Variants in ERAP1 observed in about 807,000 individuals in gnomAD.
ERAP1 encodes the protein endoplasmic reticulum aminopeptidase 1, also known as adipocyte-derived leucine aminopeptidase.
In ERAP1, 86 loss-of-function variants were observed where a neutral mutation model predicts 103.7. The ratio of observed to expected loss-of-function variants is 0.83; its 90% CI spans 0.70 to 0.99. ERAP1 has a LOEUF of 0.99. Ranked by LOEUF, ERAP1 falls within the 50% of genes least tolerant of loss-of-function variation. The pLI, the probability that ERAP1 is intolerant of heterozygous loss-of-function variation, is 0.00. For synonymous variants in ERAP1, 398 were observed against 402.4 expected, an observed-to-expected ratio of 0.99 and a Z score of 0.13; for missense variants, 1,009 against 1,128.4, an observed-to-expected ratio of 0.89 and a Z score of 1.52.
At chr5:96,916,468 T>C in the ERAP1 span, among the ~76,000 whole-genome samples, 1 of 138,602 alleles carries the variant, frequency 7.2e-6, no homozygotes, top group Admixed American at 7.1e-5. Flanking sequence ...TTTTTTTTTT[T>C]TTTTTTTTTT....
At chr5:96,868,809 A>G in the ERAP1 span, among the ~76,000 whole-genome samples, 1 of 152,168 alleles carries the variant, frequency 6.6e-6, no homozygotes, top group Admixed American at 6.5e-5. Flanking sequence ...TCTGAGAATC[A>G]CTGCCCTAGG....
chr5:96,909,280 C>T, the ERAP1 span, among the ~76,000 whole-genome samples: 10 of 152,110 alleles, frequency 6.6e-5, no homozygotes, highest in Non-Finnish European at 1.5e-4. Flanking sequence ...TTTACCATTG[C>T]CAATCCTAAG....
At chr5:96,891,800 C>G in the ERAP1 span, among the ~76,000 whole-genome samples, 2 of 151,976 alleles carry the variant, frequency 1.3e-5, no homozygotes, top group African/African-American at 4.8e-5. Flanking sequence ...AAATATCAAT[C>G]GAAATATTGA....
At chr5:96,935,098 G>A in the ERAP1 span, 3 of 152,406 alleles carry the variant, frequency 2.0e-5, no homozygotes, top group African/African-American at 7.2e-5. Flanking sequence ...GGGGCGACTA[G>A]GGGAGTTTCG....
At chr5:96,877,101 A>C in the ERAP1 span, among the ~76,000 whole-genome samples, 2 of 152,126 alleles carry the variant, frequency 1.3e-5, no homozygotes, top group Admixed American at 6.5e-5. Context: ...CAGCCTCCCG[A>C]GTAGCTAGGA....
the ERAP1 span, chr5:96,900,210 A>G: frequency 1.9e-6 from 3 of 1,613,082 alleles, no homozygotes; most frequent in Non-Finnish European, 2.5e-6. Context: ...AGAGAGTCAC[A>G]GAGTAGAAGA....
intron 1 of ERAP1, among the ~76,000 whole-genome samples, chr5:96,805,347 T>TTG (rs1554043931): frequency 1.1e-4 from 7 of 63,318 alleles, no homozygotes; most frequent in African/African-American, 3.7e-4. Flanking sequence ...TGGTTTTTGG[T>TTG]TTTTTTTTTT....
the ERAP1 span, among the ~76,000 whole-genome samples, chr5:96,930,363 T>C: frequency 6.6e-6 from 1 of 152,204 alleles, no homozygotes; most frequent in Non-Finnish European, 1.5e-5. Flanking sequence ...ATTTTTTGTA[T>C]ATGGGACCCA....
the ERAP1 span, among the ~76,000 whole-genome samples, chr5:96,854,335 G>A: frequency 6.6e-6 from 1 of 152,044 alleles, no homozygotes; most frequent in Non-Finnish European, 1.5e-5. Flanking sequence ...CCTCAAGTAT[G>A]TAAACATACT....
At chr5:96,777,412 T>G (rs1774493181) in intron 18 of ERAP1, among the ~76,000 whole-genome samples, 1 of 152,214 alleles carries the variant, frequency 6.6e-6, no homozygotes, top group Admixed American at 6.5e-5. Flanking sequence ...GCCAGTTCCT[T>G]AGAAATCCAT....
the ERAP1 span, among the ~76,000 whole-genome samples, chr5:96,888,537 G>C: frequency 6.6e-6 from 1 of 152,204 alleles, no homozygotes; most frequent in Non-Finnish European, 1.5e-5. Flanking sequence ...GTCAAAAAAT[G>C]GTGGCCGTTT....
At chr5:96,906,597 A>G in the ERAP1 span, among the ~76,000 whole-genome samples, 1 of 152,186 alleles carries the variant, frequency 6.6e-6, no homozygotes, top group African/African-American at 2.4e-5. Context: ...AAGAATTGAT[A>G]TTTATTTTAG....
intron 18 of ERAP1, among the ~76,000 whole-genome samples, chr5:96,778,848 C>A (rs1774736851): frequency 6.6e-6 from 1 of 152,144 alleles, no homozygotes; most frequent in Admixed American, 6.5e-5. Context: ...GGAAGACCGG[C>A]AGGACTTGCG....
the ERAP1 span, chr5:96,881,238 T>C: frequency 1.6e-5 from 6 of 365,540 alleles, no homozygotes; most frequent in South Asian, 1.0e-4. Context: ...GGGTATGTTA[T>C]AGAGAAGCAG....
chr5:96,935,783 C>G, the ERAP1 span: 1 of 231,260 alleles, frequency 4.3e-6, no homozygotes. Context: ...TCGGGCGGGT[C>G]GCAGTAGGGC....
At chr5:96,770,452 G>T (rs1056697617), downstream of ERAP1, 4 of 865,632 alleles carry the variant, frequency 4.6e-6, no homozygotes, top group Non-Finnish European at 7.9e-6. Flanking sequence ...GAATGGTCTG[G>T]ATTAATTTAA....
chr5:96,911,948 G>A, the ERAP1 span, among the ~76,000 whole-genome samples: 3 of 150,952 alleles, frequency 2.0e-5, no homozygotes, highest in South Asian at 2.1e-4. Flanking sequence ...CCAGCACTTT[G>A]GGAGGCTGAG....
At chr5:96,831,573 G>A in the ERAP1 span, among the ~76,000 whole-genome samples, 1 of 152,190 alleles carries the variant, frequency 6.6e-6, no homozygotes, top group Admixed American at 6.5e-5. Flanking sequence ...TTGTGCAAAA[G>A]CTACTTTCCT....
At position 96,790,558 on chromosome 5, in the gene ERAP1, C is replaced by T. The variant is rs749139644; in HGVS notation, c.1406G>A (p.Ser469Asn). Residue 469 changes from serine to asparagine, a missense_variant, in exon 9 of 19, where the codon AGC (serine) becomes AAC (asparagine). Ser to Asn is a conservative substitution (Grantham distance 46, BLOSUM62 1). This residue lies in a region of ERAP1 where 611 missense variants were observed against 651.7 expected (regional missense o/e 0.94). Transcript: ENST00000443439. The part of the protein sequence containing the change: ...SGIVQYLQKH[S>N]YKNTKNEDLW... ...GTCCTCGTTTTTTGTATTTTTATAG[C>T]TATGCTTCTGGAGATACTGTACAAT... 3 of 1,613,750 alleles carry T rather than the reference C, an allele frequency of 1.9e-6. No individual in the cohort carries two copies. Among genetic ancestry groups the T allele is most frequent in the Admixed American group, 1.7e-5 (1 of 60,004 alleles).
Sources: gnomAD v4.1 joint callset for allele counts (sites outside exome capture counted in the v4.1 genomes callset) on GRCh38, gnomAD v4.1.1 for gene constraint, gnomAD v4.1.1 regional missense constraint, MANE v1.5 for transcripts, NCBI Gene and HGNC (gene_info 2026-07-23, HGNC 2026-07-21) for gene names.